DPP6: variants seen among roughly 807,000 people sequenced by gnomAD.
DPP6 encodes the protein dipeptidyl peptidase like 6.
In DPP6, 69 loss-of-function variants were observed where a neutral mutation model predicts 122.6. That is an observed-to-expected ratio of 0.56 (90% CI 0.46 to 0.69). The LOEUF is 0.69. DPP6 is among the 30% of genes least tolerant of loss of function. DPP6 has a pLI of 0.00. For synonymous variants in DPP6, 418 were observed against 433.1 expected (o/e 0.97, Z 0.43); for missense variants, 928 against 1,116.9 (o/e 0.83, Z 2.41).
At chr7:153,889,854 T>C (rs1397439044) in intron 1 of DPP6, among the ~76,000 whole-genome samples, 25 of 152,254 alleles carry the variant, frequency 1.6e-4, no homozygotes, top group Admixed American at 1.6e-3. Context: ...ACTTTGAATG[T>C]TCTTATCAAT....
At chr7:154,236,420 G>A (rs1390604641) in intron 1 of DPP6, among the ~76,000 whole-genome samples, 4 of 152,098 alleles carry the variant, frequency 2.6e-5, no homozygotes, top group African/African-American at 7.2e-5. Context: ...GAAAGCTCAG[G>A]TAAACAATTT....
intron 8 of DPP6, among the ~76,000 whole-genome samples, chr7:154,751,284 G>A (rs981988309): frequency 1.3e-5 from 2 of 152,028 alleles, no homozygotes; most frequent in African/African-American, 4.8e-5. Context: ...AGATGTGTTA[G>A]GAAAACAGGC....
intron 8 of DPP6, among the ~76,000 whole-genome samples, chr7:154,749,695 A>G (rs112427013): frequency 1.9e-5 from 1 of 52,190 alleles, no homozygotes; most frequent in African/African-American, 7.0e-5. Context: ...TAGGATGGGA[A>G]AGAGAGGGAT....
chr7:153,888,439 C>G (rs1470439364), intron 1 of DPP6, among the ~76,000 whole-genome samples: 1 of 152,276 alleles, frequency 6.6e-6, no homozygotes, highest in Non-Finnish European at 1.5e-5. Context: ...AGTGGAGGAC[C>G]CGGCGATCCG....
At chr7:154,203,664 T>TGGA in intron 1 of DPP6, among the ~76,000 whole-genome samples, 1 of 152,228 alleles carries the variant, frequency 6.6e-6, no homozygotes, top group African/African-American at 2.4e-5. Context: ...AGGAGAGAAT[T>TGGA]GGAGGAAATA....
intron 1 of DPP6, among the ~76,000 whole-genome samples, chr7:153,952,468 C>T (rs958635496): frequency 3.9e-5 from 6 of 152,160 alleles, no homozygotes; most frequent in African/African-American, 1.4e-4. Context: ...CAAGTATATG[C>T]AAATTAAAGA....
intron 8 of DPP6, among the ~76,000 whole-genome samples, chr7:154,749,790 AGGACGGGAAAGAGAG>A: frequency 1.1e-5 from 1 of 94,154 alleles, no homozygotes; most frequent in African/African-American, 4.1e-5. Context: ...GAGAGAGCAT[AGGACGGGAAAGAGAG>A]GGATGGAGGC....
In DPP6 at chr7:154,618,261, C is replaced by T. The variant is rs910933385; in HGVS notation, c.628-19560C>T. 1.3e-5 allele frequency among the ~76,000 whole-genome samples: 2 copies of T among 152,218 alleles called. No homozygotes were observed. The highest frequency in any genetic ancestry group is 1.9e-4 in the East Asian group (1 of 5,158). ...TTTGCCCCTAATGGGTTTCCAGGGT[C>T]GTGTCCTTTCCCAACCCCTGAGGAA... is the stretch of plus-strand genomic sequence containing the variant. On this transcript the variant is annotated intron_variant, in intron 5 of 25. Transcript: ENST00000377770. This position sits in a 1 kb window ranked among gnomAD's most constrained non-coding sequence, Gnocchi z 4.1.
intron 4 of DPP6, among the ~76,000 whole-genome samples, chr7:154,546,815 G>A (rs984554977): frequency 4.6e-5 from 7 of 152,196 alleles, no homozygotes; most frequent in African/African-American, 7.2e-5. Context: ...AGGAACTCCA[G>A]AATGTGGCTG....
At chr7:154,646,409 C>G (rs1224368786) in intron 6 of DPP6, among the ~76,000 whole-genome samples, 1 of 152,278 alleles carries the variant, frequency 6.6e-6, no homozygotes, top group African/African-American at 2.4e-5. Context: ...CTCCTCCCCA[C>G]CACACGAGCC....
chr7:154,662,507 A>G (rs1837793299), intron 6 of DPP6, among the ~76,000 whole-genome samples: 1 of 44,318 alleles, frequency 2.3e-5, no homozygotes, highest in African/African-American at 6.6e-5. Context: ...ACCATGGCGT[A>G]TCGGCCGTAG....
rs1267151616 is a variant in DPP6, at chr7:154,498,086, AG to A, written c.457+23050del. On this transcript the variant is annotated intron_variant, in intron 3 of 25. Coordinates refer to ENST00000377770, the MANE Select transcript of DPP6 (RefSeq NM_130797.4). Reference sequence around the variant, plus strand: ...TATCAGAGGCAGTTGCCTGCTTCATAGATAGTTACAGAAAAACATCTGAACT... The same window carrying A: ...TATCAGAGGCAGTTGCCTGCTTCATAATAGTTACAGAAAAACATCTGAACT... Among the ~76,000 whole-genome samples, 7 of 152,348 alleles carry A rather than the reference AG, an allele frequency of 4.6e-5. No individual in the cohort carries two copies. In the South Asian group the frequency reaches 1.4e-3, roughly 32 times the overall value.
chr7:154,396,150 T>C (rs1315174032), intron 1 of DPP6, among the ~76,000 whole-genome samples: 1 of 152,184 alleles, frequency 6.6e-6, no homozygotes, highest in Non-Finnish European at 1.5e-5. Flanking sequence ...ATAACAATGA[T>C]TATGTGCTTA....
intron 16 of DPP6, among the ~76,000 whole-genome samples, chr7:154,819,373 C>T (rs539553798): frequency 6.6e-6 from 1 of 152,322 alleles, no homozygotes; most frequent in African/African-American, 2.4e-5. Context: ...TGAGATCATG[C>T]CATTGCCCTC....
chr7:154,369,367 GTTTATTTA>G (rs1812452215), intron 1 of DPP6, among the ~76,000 whole-genome samples: 2 of 152,128 alleles, frequency 1.3e-5, no homozygotes, highest in South Asian at 4.2e-4. Context: ...TGTGTCAACT[GTTTATTTA>G]TTTATTTTTG....
In DPP6 at chr7:154,032,506, A is replaced by G. The variant is rs1409458681; in HGVS notation, c.51+144772A>G. ...ATGTTACTAGTTTATCTAAGCCCAGACAGCCATTTCCCTGATGTATCTTTA... is the reference window on the plus strand; with the variant it reads ...ATGTTACTAGTTTATCTAAGCCCAGGCAGCCATTTCCCTGATGTATCTTTA... On this transcript the variant is annotated intron_variant, in intron 1 of 25. Coordinates refer to the DPP6 transcript ENST00000404039. Among the ~76,000 whole-genome samples, 13 of 152,318 alleles carry G rather than the reference A, an allele frequency of 8.5e-5. No individual in the cohort carries two copies. The East Asian group carries it at 2.5e-3, about 29-fold the overall frequency.
At chr7:154,094,150 G>A (rs1305763233) in intron 1 of DPP6, 1 of 152,180 alleles carries the variant, frequency 6.6e-6, no homozygotes, top group Non-Finnish European at 1.5e-5. Flanking sequence ...ACTCCTCCTT[G>A]AGGAATGGGC....
chr7:153,947,385 G>T (rs947936469), intron 1 of DPP6, among the ~76,000 whole-genome samples: 2 of 152,104 alleles, frequency 1.3e-5, no homozygotes, highest in African/African-American at 4.8e-5. Context: ...CTTGTAGCTG[G>T]CTGTCTTTGT....
intron 1 of DPP6, among the ~76,000 whole-genome samples, chr7:154,131,696 G>C (rs577151298): frequency 0.039 from 5,931 of 152,164 alleles, 1 homozygote; most frequent in Non-Finnish European, 0.062. Flanking sequence ...CTCGTCTGTA[G>C]GGATAGACTA....
Sources: allele counts gnomAD v4.1 joint callset (sites outside exome capture counted in the v4.1 genomes callset), GRCh38; gene constraint gnomAD v4.1.1; non-coding constraint Gnocchi (gnomAD v3.1); transcripts MANE v1.5; gene names NCBI Gene and HGNC (gene_info 2026-07-23, HGNC 2026-07-21).